CNTN5: variants seen among roughly 807,000 people sequenced by gnomAD.
CNTN5 encodes the protein contactin-5.
Under a neutral mutation model 129.1 loss-of-function variants are expected in CNTN5, and 77 were observed. The ratio of observed to expected loss-of-function variants is 0.60; its 90% CI spans 0.50 to 0.72. CNTN5 has a LOEUF of 0.72. Ranked by LOEUF, CNTN5 falls within the 30% of genes least tolerant of loss-of-function variation. The pLI, the probability that CNTN5 is intolerant of heterozygous loss-of-function variation, is 0.00. For missense variants in CNTN5, 1,478 were observed against 1,328.8 expected (o/e 1.11, Z -1.75); for synonymous variants, 509 against 465.6 (o/e 1.09, Z -1.20).
At chr11:99,771,499 GA>G (rs1228437004) in intron 3 of CNTN5, among the ~76,000 whole-genome samples, 2 of 151,994 alleles carry the variant, frequency 1.3e-5, no homozygotes, top group African/African-American at 4.8e-5. Flanking sequence ...CATTTGTGAT[GA>G]GATTAATGAA....
intron 2 of CNTN5, among the ~76,000 whole-genome samples, chr11:99,415,314 AT>A (rs770361921): frequency 2.9e-4 from 42 of 144,480 alleles, no homozygotes; most frequent in Non-Finnish European, 3.7e-4. Context: ...ATGTGACTGG[AT>A]AAAAAAAAAA....
chr11:99,367,510 T>A (rs1187663759), intron 2 of CNTN5, among the ~76,000 whole-genome samples: 1 of 151,858 alleles, frequency 6.6e-6, no homozygotes, highest in African/African-American at 2.4e-5. Flanking sequence ...GGGAGAGCAT[T>A]TTATGGGATG....
chr11:99,793,516 T>C (rs1048198193), intron 3 of CNTN5, among the ~76,000 whole-genome samples: 2 of 152,212 alleles, frequency 1.3e-5, no homozygotes, highest in African/African-American at 2.4e-5. Context: ...TTCCTCTAGT[T>C]GATAATTTGA....
intron 9 of CNTN5, among the ~76,000 whole-genome samples, chr11:100,035,606 A>G (rs1361745608): frequency 7.8e-5 from 11 of 140,716 alleles, no homozygotes; most frequent in South Asian, 2.5e-4. Context: ...AAGTGTTCCT[A>G]TTTCTCCACA....
At chr11:100,315,062 C>T (rs1319425989) in intron 21 of CNTN5, among the ~76,000 whole-genome samples, 1 of 152,112 alleles carries the variant, frequency 6.6e-6, no homozygotes, top group Non-Finnish European at 1.5e-5. Flanking sequence ...TTGTATTTTG[C>T]TTCAATCCTC....
chr11:99,484,716 A>C (rs1945741656), intron 2 of CNTN5, among the ~76,000 whole-genome samples: 1 of 152,192 alleles, frequency 6.6e-6, no homozygotes, highest in Non-Finnish European at 1.5e-5. Context: ...CAAAAAAAAA[A>C]GGTGAAATAA....
intron 1 of CNTN5, among the ~76,000 whole-genome samples, chr11:99,254,823 A>T (rs902918716): frequency 6.6e-6 from 1 of 152,008 alleles, no homozygotes; most frequent in Non-Finnish European, 1.5e-5. Flanking sequence ...CCCAATATTA[A>T]CAAAGAGTAA....
chr11:99,472,535 T>C lies in CNTN5; in HGVS notation c.-70-83610T>C, dbSNP rs539068264. On this transcript the variant is annotated intron_variant, in intron 2 of 24. Coordinates refer to ENST00000524871, the MANE Select transcript of CNTN5 (RefSeq NM_014361.4). ...TTTTTCTGTCTGTTTGTTCAACACT[T>C]ACTGTTGTGCGTGAATACTTCCTGT... Among the ~76,000 whole-genome samples, 5 of 152,358 alleles carry C rather than the reference T, an allele frequency of 3.3e-5. No homozygotes were observed. The South Asian group carries it at 6.2e-4, about 19-fold the overall frequency.
intron 1 of CNTN5, among the ~76,000 whole-genome samples, chr11:99,075,456 G>T (rs1865521488): frequency 1.3e-5 from 2 of 151,980 alleles, no homozygotes; most frequent in South Asian, 4.1e-4. Context: ...CATGTGACTG[G>T]TCATCATCTA....
intron 3 of CNTN5, among the ~76,000 whole-genome samples, chr11:99,614,278 C>A (rs901439192): frequency 6.6e-6 from 1 of 152,128 alleles, no homozygotes; most frequent in South Asian, 2.1e-4. Context: ...CATGTACATA[C>A]AATCATTTCT....
At chr11:99,350,494 A>AACATATGTTTTATGTTTTGTATGTCTCGT (rs1222397495) in intron 2 of CNTN5, among the ~76,000 whole-genome samples, 3 of 152,314 alleles carry the variant, frequency 2.0e-5, no homozygotes, top group Admixed American at 2.0e-4. Context: ...TGTTCACAAA[A>AACATATGTTTTATGTTTTGTATGTCTCGT]ATATGTGTAC....
intron 2 of CNTN5, among the ~76,000 whole-genome samples, chr11:99,511,012 C>A (rs1166747227): frequency 1.3e-5 from 2 of 152,026 alleles, no homozygotes; most frequent in African/African-American, 4.8e-5. Flanking sequence ...GATCCTGACC[C>A]TTTGCAGGCC....
At chr11:99,519,416 C>T (rs1420827877) in intron 2 of CNTN5, among the ~76,000 whole-genome samples, 2 of 152,082 alleles carry the variant, frequency 1.3e-5, no homozygotes, top group Admixed American at 6.6e-5. Context: ...AATGTCTCTA[C>T]ACTAAAGTAT....
chr11:99,741,559 A>G (rs1431121791), intron 3 of CNTN5, among the ~76,000 whole-genome samples: 1 of 152,076 alleles, frequency 6.6e-6, no homozygotes, highest in Non-Finnish European at 1.5e-5. Context: ...TCAGTAAGCA[A>G]ATGTTCTTAA....
intron 1 of CNTN5, among the ~76,000 whole-genome samples, chr11:99,133,450 A>C (rs1481556617): frequency 6.6e-6 from 1 of 152,066 alleles, no homozygotes; most frequent in Non-Finnish European, 1.5e-5. Context: ...AAAAGAAACT[A>C]TCATCAGGGC....
intron 7 of CNTN5, among the ~76,000 whole-genome samples, chr11:99,943,567 G>A (rs757692294): frequency 4.6e-5 from 7 of 151,934 alleles, no homozygotes; most frequent in Admixed American, 3.9e-4. Flanking sequence ...GTTCGCTTTC[G>A]TTGCCATTGC....
At chr11:99,209,742 TAGAC>T (rs1487565271) in intron 1 of CNTN5, among the ~76,000 whole-genome samples, 1 of 152,178 alleles carries the variant, frequency 6.6e-6, no homozygotes, top group African/African-American at 2.4e-5. Flanking sequence ...AGTAAATGAA[TAGAC>T]AGTAAATTCT....
chr11:99,112,368 G>A (rs1037545883), intron 1 of CNTN5, among the ~76,000 whole-genome samples: 2 of 151,832 alleles, frequency 1.3e-5, no homozygotes, highest in African/African-American at 4.8e-5. Flanking sequence ...CTTTTTCCTA[G>A]GAAATCAGCT....
chr11:99,495,889 G>C (rs1193549380), intron 2 of CNTN5, among the ~76,000 whole-genome samples: 1 of 152,166 alleles, frequency 6.6e-6, no homozygotes, highest in Non-Finnish European at 1.5e-5. Context: ...TGGGTTGGGA[G>C]ACTGAGAAAG....
Sources: allele counts gnomAD v4.1 joint callset (sites outside exome capture counted in the v4.1 genomes callset), GRCh38; gene constraint gnomAD v4.1.1; transcripts MANE v1.5; gene names NCBI Gene and HGNC (gene_info 2026-07-23, HGNC 2026-07-21).